Variants in CHD9 observed in about 807,000 individuals in gnomAD.
CHD9 encodes the protein chromodomain helicase DNA binding protein 9.
Under a neutral mutation model 316.1 loss-of-function variants are expected in CHD9, and 77 were observed. The observed-to-expected ratio is 0.24, with a 90% CI of 0.20 to 0.29. The LOEUF (loss-of-function observed/expected upper bound fraction) is 0.29, where lower values mean the gene tolerates loss of function less well. CHD9 is among the 10% of genes least tolerant of loss of function. The pLI, the probability that CHD9 is intolerant of heterozygous loss-of-function variation, is 1.00. For synonymous variants in CHD9, 1,129 were observed against 1,158.3 expected (o/e 0.97, Z 0.51); for missense variants, 2,763 against 3,438.1 (o/e 0.80, Z 4.91).
At chr16:53,203,447 C>T (rs2152854377) in intron 2 of CHD9, among the ~76,000 whole-genome samples, 1 of 152,216 alleles carries the variant, frequency 6.6e-6, no homozygotes, top group South Asian at 2.1e-4. Context: ...TTTTGGGTTT[C>T]ACCACTGGTT....
chr16:53,302,011 C>T (rs1163510628), intron 30 of CHD9, among the ~76,000 whole-genome samples: 2 of 151,988 alleles, frequency 1.3e-5, no homozygotes, highest in East Asian at 3.9e-4. Flanking sequence ...GATCCACCCG[C>T]CTCGGCCTCC....
intron 1 of CHD9, among the ~76,000 whole-genome samples, chr16:53,130,206 CA>C (rs1314867961): frequency 6.6e-6 from 1 of 152,040 alleles, no homozygotes; most frequent in Non-Finnish European, 1.5e-5. Flanking sequence ...CAGGTGCTGG[CA>C]CCTGGGCTCA....
intron 1 of CHD9, among the ~76,000 whole-genome samples, chr16:53,118,307 C>T (rs1567341934): frequency 6.6e-6 from 1 of 152,008 alleles, no homozygotes; most frequent in Non-Finnish European, 1.5e-5. Context: ...ATCCCAGCTA[C>T]TCTGGTGGCT....
intron 1 of CHD9, among the ~76,000 whole-genome samples, chr16:53,088,569 C>T (rs1456384930): frequency 4.6e-5 from 7 of 151,932 alleles, no homozygotes; most frequent in East Asian, 2.0e-4. Context: ...TGAGCCACCG[C>T]GCCCGGCCAA....
intron 24 of CHD9, among the ~76,000 whole-genome samples, chr16:53,281,127 A>C (rs902546350): frequency 6.6e-6 from 1 of 152,158 alleles, no homozygotes; most frequent in Non-Finnish European, 1.5e-5. Context: ...AATATGATCT[A>C]TAAACAGGTA....
intron 1 of CHD9, among the ~76,000 whole-genome samples, chr16:53,132,820 T>TG (rs1491523279): frequency 1.4e-5 from 2 of 142,828 alleles, no homozygotes; most frequent in African/African-American, 5.3e-5. Context: ...TTTTTTTTTT[T>TG]GGTGTTGAGA....
chr16:53,261,095 C>CA (rs753392412), intron 19 of CHD9, among the ~76,000 whole-genome samples: 56,368 of 123,052 alleles, frequency 0.46, 11,203 homozygotes, highest in South Asian at 0.56. Flanking sequence ...TTAGAGAAAG[C>CA]AAAAAAAAAA....
intron 38 of CHD9, among the ~76,000 whole-genome samples, chr16:53,321,925 A>G (rs763800873): frequency 6.6e-6 from 1 of 152,062 alleles, no homozygotes; most frequent in Non-Finnish European, 1.5e-5. Flanking sequence ...ATGATATACT[A>G]GTAAAAAATT....
rs1461770179 is a variant in CHD9 at position 53,297,167 on chromosome 16, A to G, written c.5713+9A>G. ...TCTTCCTTCCAAAGAAGGTATGTAT[A>G]AAATTTCTTTTTCCTGGTTTCGGTC... On this transcript the variant is annotated intron_variant, in intron 30 of 38. Coordinates refer to ENST00000447540, the MANE Select transcript of CHD9 (RefSeq NM_001308319.2). The G allele has an allele frequency of 1.3e-5, 21 of 1,593,976 alleles. No individual in the cohort carries two copies. In the Admixed American group the frequency reaches 3.2e-4, roughly 24 times the overall value.
intron 1 of CHD9, among the ~76,000 whole-genome samples, chr16:53,148,640 T>C (rs1337873404): frequency 6.6e-6 from 1 of 152,246 alleles, no homozygotes; most frequent in Non-Finnish European, 1.5e-5. Flanking sequence ...TCCTGTATCT[T>C]TTTTGATGAA....
At chr16:53,167,438 T>C (rs1024057113) in intron 2 of CHD9, among the ~76,000 whole-genome samples, 1 of 152,192 alleles carries the variant, frequency 6.6e-6, no homozygotes, top group Non-Finnish European at 1.5e-5. Context: ...ACTTTCCTAT[T>C]GTTCTATATT....
chr16:53,291,897 C>T (rs1431003872), intron 28 of CHD9, 130 bp downstream of exon 28: 6 of 511,076 alleles, frequency 1.2e-5, no homozygotes, highest in East Asian at 3.5e-5. Flanking sequence ...CCATTGTAAT[C>T]GTTATAGGAC....
rs2040356584 is a variant in CHD9 at position 53,143,955 on chromosome 16, C to T, written c.-164-11971C>T. On this transcript the variant is annotated intron_variant, in intron 1 of 38. Transcript: ENST00000447540. ...TTTTTCCTGATTCTTGCCCATGACC[C>T]AAACATTTTTTTTTCTTTTTAAAAG... Among the ~76,000 whole-genome samples the T allele has an allele frequency of 4.6e-5, 7 of 152,126 alleles. No homozygotes were observed. In the South Asian group the frequency reaches 1.5e-3, roughly 32 times the overall value.
intron 2 of CHD9, among the ~76,000 whole-genome samples, chr16:53,206,358 G>GC (rs1376225055): frequency 5.5e-5 from 7 of 127,484 alleles, no homozygotes; most frequent in African/African-American, 2.3e-4. Flanking sequence ...AAGGGCACCG[G>GC]GAAAAAAAAA....
At chr16:53,321,971 A>G (rs1414685049) in intron 38 of CHD9, among the ~76,000 whole-genome samples, 1 of 151,160 alleles carries the variant, frequency 6.6e-6, no homozygotes, top group East Asian at 1.9e-4. Context: ...ATTCTGGAAA[A>G]CTATGCAATT....
chr16:53,222,612 T>C (rs1288723112), intron 3 of CHD9, 32 bp from the exon 4 acceptor site: 2 of 1,004,866 alleles, frequency 2.0e-6, no homozygotes, highest in African/African-American at 3.3e-5. Flanking sequence ...TTCAAAGAAT[T>C]CATACTTTTT....
chr16:53,143,358 T>TTTTA (rs55793321), intron 1 of CHD9, among the ~76,000 whole-genome samples: 32,928 of 137,686 alleles, frequency 0.24, 4,196 homozygotes, highest in African/African-American at 0.27. Context: ...TTTTATCTTA[T>TTTTA]TTTATTTATT....
chr16:53,247,426 C>T lies in CHD9; in HGVS notation c.3588C>T (p.Ala1196=), dbSNP rs773701804. Reference sequence around the variant, plus strand: ...ATAAATTGCTTCCCAAAATGAAAGCCGGAGGTCATAAAGTGCTCATCTTCT... The same window carrying T: ...ATAAATTGCTTCCCAAAATGAAAGCTGGAGGTCATAAAGTGCTCATCTTCT... ...LIDKLLPKMK[A]GGHKVLIFSQ... The change falls in exon 16 of 39, where the codon GCC becomes GCT. Residue 1196 remains alanine, a synonymous_variant. Coordinates refer to ENST00000447540, the MANE Select transcript of CHD9 (RefSeq NM_001308319.2). The T allele has an allele frequency of 5.0e-6, 8 of 1,608,582 alleles. No homozygotes were observed. Among genetic ancestry groups the T allele is most frequent in the African/African-American group, 1.3e-5 (1 of 74,864 alleles).
chr16:53,256,524 T>C (rs1413539410), intron 19 of CHD9, among the ~76,000 whole-genome samples: 2 of 151,270 alleles, frequency 1.3e-5, no homozygotes, highest in African/African-American at 2.4e-5. Context: ...GGTTTCGCCA[T>C]GTTAGCCAGT....
Sources: gnomAD v4.1 joint callset for allele counts (sites outside exome capture counted in the v4.1 genomes callset) on GRCh38, gnomAD v4.1.1 for gene constraint, MANE v1.5 for transcripts, NCBI Gene and HGNC (gene_info 2026-07-23, HGNC 2026-07-21) for gene names.